Variants in LRMDA observed in about 807,000 individuals in gnomAD.
LRMDA encodes the protein leucine-rich melanocyte differentiation-associated protein.
A neutral mutation model predicts 29.8 loss-of-function variants in LRMDA; 18 were observed. The ratio of observed to expected loss-of-function variants is 0.60; its 90% CI spans 0.42 to 0.90. The LOEUF (loss-of-function observed/expected upper bound fraction) is 0.90, where lower values mean the gene tolerates loss of function less well. LRMDA is among the 40% of genes least tolerant of loss of function. LRMDA has a pLI of 0.00. For synonymous variants in LRMDA, 125 were observed against 109.4 expected (o/e 1.14, Z -0.89); for missense variants, 273 against 273.9 (o/e 1.00, Z 0.02).
chr10:76,313,798 A>T (rs1019708311), intron 5 of LRMDA, among the ~76,000 whole-genome samples: 8 of 152,232 alleles, frequency 5.3e-5, no homozygotes, highest in Non-Finnish European at 1.0e-4. Flanking sequence ...TTTCTAAAAA[A>T]TTCCATACAA....
At chr10:75,694,658 T>C (rs1181729471) in intron 2 of LRMDA, among the ~76,000 whole-genome samples, 1 of 152,142 alleles carries the variant, frequency 6.6e-6, no homozygotes, top group East Asian at 1.9e-4. Flanking sequence ...TATTCACTTA[T>C]CTCCCCCCAT....
chr10:76,547,952 C>T (rs953571465), intron 6 of LRMDA, among the ~76,000 whole-genome samples: 3 of 152,168 alleles, frequency 2.0e-5, no homozygotes, highest in African/African-American at 7.2e-5. Flanking sequence ...GTTCAAGTTT[C>T]TCTCTAAGAA....
In LRMDA at chr10:75,540,462, C is replaced by T. The variant is rs140762261; in HGVS notation, c.131+101968C>T. On this transcript the variant is annotated intron_variant, in intron 2 of 6. Transcript: ENST00000611255. ...CCCATGTGTGTGGCCATAGGATTCTCGTTTTATCACCATACTGTCTTCCCC... is the reference window on the plus strand; with the variant it reads ...CCCATGTGTGTGGCCATAGGATTCTTGTTTTATCACCATACTGTCTTCCCC... 7.9e-5 allele frequency among the ~76,000 whole-genome samples: 12 copies of T among 152,304 alleles called. 1 individual carries two copies. The highest frequency in any genetic ancestry group is 2.4e-4 in the African/African-American group (10 of 41,572).
chr10:76,241,814 C>T (rs542626789), intron 5 of LRMDA, among the ~76,000 whole-genome samples: 1 of 152,260 alleles, frequency 6.6e-6, no homozygotes, highest in African/African-American at 2.4e-5. Context: ...AGAGGGTAGC[C>T]ACTCACCAGC....
At chr10:75,645,683 G>A (rs749581050) in intron 2 of LRMDA, among the ~76,000 whole-genome samples, 5 of 152,112 alleles carry the variant, frequency 3.3e-5, no homozygotes, top group Non-Finnish European at 7.4e-5. Flanking sequence ...GACCTACATG[G>A]AACTTGGTGT....
At chr10:75,926,872 C>T (rs1564609099) in intron 2 of LRMDA, among the ~76,000 whole-genome samples, 1 of 152,210 alleles carries the variant, frequency 6.6e-6, no homozygotes, top group Non-Finnish European at 1.5e-5. Flanking sequence ...CTATCTGATA[C>T]TTAGAAGGAA....
intron 6 of LRMDA, among the ~76,000 whole-genome samples, chr10:76,487,701 A>G (rs998607167): frequency 6.6e-6 from 1 of 151,920 alleles, no homozygotes; most frequent in Non-Finnish European, 1.5e-5. Context: ...AAACAACTAA[A>G]GCTAACTTGG....
At chr10:75,530,958 G>A (rs1359009527) in intron 2 of LRMDA, among the ~76,000 whole-genome samples, 1 of 152,142 alleles carries the variant, frequency 6.6e-6, no homozygotes, top group Non-Finnish European at 1.5e-5. Flanking sequence ...ATCTCAATGA[G>A]AATATTTATA....
chr10:76,034,532 G>A (rs1223647660), intron 2 of LRMDA, among the ~76,000 whole-genome samples: 2 of 152,152 alleles, frequency 1.3e-5, no homozygotes, highest in Non-Finnish European at 2.9e-5. Flanking sequence ...CATGCCGGCA[G>A]AGCTCTGGGC....
chr10:75,779,566 A>T (rs1425820265), intron 2 of LRMDA, among the ~76,000 whole-genome samples: 3 of 152,222 alleles, frequency 2.0e-5, no homozygotes, highest in Non-Finnish European at 4.4e-5. Flanking sequence ...CTAGGGCATC[A>T]TGCTTGGAGT....
rs140997817 is a variant in LRMDA at position 75,567,411 on chromosome 10, C to T, written c.131+128917C>T. Among the ~76,000 whole-genome samples, 6 of 152,282 alleles carry T rather than the reference C, an allele frequency of 3.9e-5. No homozygotes were observed. The East Asian group carries it at 7.7e-4, about 20-fold the overall frequency. On this transcript the variant is annotated intron_variant, in intron 2 of 6. Transcript: ENST00000611255. The stretch of plus-strand genomic sequence containing the variant: ...AGAATCTGGAGTGAGATTCTAATAC[C>T]AATTATCACAGGGATGGATAGTGAC...
chr10:76,120,828 CTTTTTTT>C (rs978706586), intron 5 of LRMDA, among the ~76,000 whole-genome samples: 1 of 130,974 alleles, frequency 7.6e-6, no homozygotes, highest in Non-Finnish European at 1.7e-5. Context: ...GTTGATTGTT[CTTTTTTT>C]TTTTTTTTTT....
chr10:75,578,968 G>T (rs186893084), intron 2 of LRMDA, among the ~76,000 whole-genome samples: 3 of 152,060 alleles, frequency 2.0e-5, no homozygotes, highest in Non-Finnish European at 2.9e-5. Context: ...AAGCAGGAAA[G>T]ATCTAAAATT....
intron 5 of LRMDA, among the ~76,000 whole-genome samples, chr10:76,188,346 CAAAG>C (rs1427248606): frequency 6.6e-6 from 1 of 152,180 alleles, no homozygotes; most frequent in Non-Finnish European, 1.5e-5. Flanking sequence ...GTCCTCTACT[CAAAG>C]AAACTCAGTG....
At chr10:76,004,766 G>A (rs1184978510) in intron 2 of LRMDA, among the ~76,000 whole-genome samples, 4 of 142,332 alleles carry the variant, frequency 2.8e-5, no homozygotes, top group African/African-American at 1.1e-4. Context: ...CTCACTCTGT[G>A]GCCCAGGCTA....
chr10:75,482,460 G>A (rs1481245011), intron 2 of LRMDA, among the ~76,000 whole-genome samples: 2 of 152,280 alleles, frequency 1.3e-5, no homozygotes, highest in Admixed American at 6.5e-5. Context: ...GGCAGTAGAT[G>A]GCTGATTCAA....
intron 5 of LRMDA, among the ~76,000 whole-genome samples, chr10:76,122,186 A>G (rs192784442): frequency 2.6e-4 from 40 of 152,288 alleles, no homozygotes; most frequent in Admixed American, 1.7e-3. Context: ...CATCTCTAGT[A>G]TCTCCAAGGG....
rs1275593519 is a variant in LRMDA at position 76,363,181 on chromosome 10, G to A, written c.601+38696G>A. ...AGAAAGAAAGAAAGAAAGAAAGGAGGGAGGGAGGGAGGGAGGGAGGGAGGG... is the reference window on the plus strand; with the variant it reads ...AGAAAGAAAGAAAGAAAGAAAGGAGAGAGGGAGGGAGGGAGGGAGGGAGGG... On this transcript the variant is annotated intron_variant, in intron 6 of 6. Transcript: ENST00000611255. Among the ~76,000 whole-genome samples, 171 of 18,440 alleles carry A rather than the reference G, an allele frequency of 9.3e-3. 18 individuals carry two copies. The highest frequency in any genetic ancestry group is 0.04 in the African/African-American group (153 of 3,844). 12.1% of individuals were successfully genotyped at this position (18,440 alleles called of 152,430 possible). A position where few individuals can be genotyped will look rare whatever the true frequency, so the allele number is the denominator to read the frequency against.
chr10:75,716,291 G>A (rs1842498479), intron 2 of LRMDA, among the ~76,000 whole-genome samples: 2 of 152,178 alleles, frequency 1.3e-5, no homozygotes, highest in African/African-American at 2.4e-5. Flanking sequence ...TGAATTGAGG[G>A]TGGCACTTAG....
Sources: allele counts gnomAD v4.1 joint callset (sites outside exome capture counted in the v4.1 genomes callset), GRCh38; gene constraint gnomAD v4.1.1; transcripts MANE v1.5; gene names NCBI Gene and HGNC (gene_info 2026-07-23, HGNC 2026-07-21).